Variants in ZNF518A observed in about 807,000 individuals in gnomAD.
ZNF518A encodes zinc finger protein 518A.
Under a neutral mutation model 102.7 loss-of-function variants are expected in ZNF518A, and 47 were observed. The ratio of observed to expected loss-of-function variants is 0.46; its 90% CI spans 0.36 to 0.58. ZNF518A has a LOEUF of 0.58. ZNF518A is among the 20% of genes least tolerant of loss of function. The probability of loss-of-function intolerance (pLI) is 0.00; values close to 1 mark genes in which losing one functional copy is unlikely to be tolerated. For synonymous variants in ZNF518A, 652 were observed against 594.6 expected, an observed-to-expected ratio of 1.10 and a Z score of -1.40; for missense variants, 1,793 against 1,699.8, an observed-to-expected ratio of 1.05 and a Z score of -0.96.
chr10:96,142,621 A>G (rs1222627221), intron 3 of ZNF518A, among the ~76,000 whole-genome samples: 1 of 152,094 alleles, frequency 6.6e-6, no homozygotes. Context: ...AATATAGTTA[A>G]GTAGCAGATA....
intron 3 of ZNF518A, among the ~76,000 whole-genome samples, chr10:96,147,123 A>T (rs1395047829): frequency 3.9e-5 from 6 of 152,210 alleles, no homozygotes; most frequent in Non-Finnish European, 7.4e-5. Flanking sequence ...CTCACCATGC[A>T]GTTGATCTGG....
In ZNF518A at chr10:96,156,064, A is replaced by G; in HGVS notation, c.-127+17A>G. ...TACTTCTTGGTAAGCTGTTCTTAAAATACTTAAAAAGTCTTTTGTATATTT... is the reference window on the plus strand; with the variant it reads ...TACTTCTTGGTAAGCTGTTCTTAAAGTACTTAAAAAGTCTTTTGTATATTT... On this transcript the variant is annotated intron_variant, in intron 5 of 5. Coordinates refer to ENST00000316045, the MANE Select transcript of ZNF518A (RefSeq NM_001330736.2). 1 of 217,088 alleles carries G rather than the reference A, an allele frequency of 4.6e-6. No individual in the cohort carries two copies. Among genetic ancestry groups the G allele is most frequent in the Non-Finnish European group, 8.9e-6 (1 of 111,740 alleles). The allele number at this position is 217,088 out of a possible 1,614,324, so 13.4% of individuals were successfully genotyped here.
At chr10:96,179,753 A>ATTCTTCTTC (rs58052521) in intron 1 of ZNF518A, among the ~76,000 whole-genome samples, 1,544 of 150,382 alleles carry the variant, frequency 0.01, 16 homozygotes, top group South Asian at 0.04. Flanking sequence ...ATCTTTTACA[A>ATTCTTCTTC]TTCTTCTTCT....
chr10:96,166,636 C>T (rs111817602), downstream of ZNF518A, among the ~76,000 whole-genome samples: 1 of 152,080 alleles, frequency 6.6e-6, no homozygotes, highest in Non-Finnish European at 1.5e-5. Flanking sequence ...GGCATGGCAG[C>T]GTGCACCTGT....
chr10:96,201,183 A>G (rs1184822562), intron 1 of ZNF518A: 3 of 854,118 alleles, frequency 3.5e-6, no homozygotes, highest in African/African-American at 1.7e-5. Context: ...CCTTAAGGCA[A>G]TGGTTCCAAA....
chr10:96,140,818 A>G (rs1422979118), intron 3 of ZNF518A, among the ~76,000 whole-genome samples: 5 of 151,986 alleles, frequency 3.3e-5, no homozygotes, highest in South Asian at 2.1e-4. Context: ...GTGCATACCT[A>G]TAGTCCCAGC....
intron 3 of ZNF518A, among the ~76,000 whole-genome samples, chr10:96,147,635 T>TGG (rs2082234411): frequency 6.6e-6 from 1 of 152,242 alleles, no homozygotes; most frequent in Non-Finnish European, 1.5e-5. Flanking sequence ...TTCGAAGGTA[T>TGG]TGCCCCTTTG....
intron 1 of ZNF518A, among the ~76,000 whole-genome samples, chr10:96,198,484 A>C (rs1187306664): frequency 6.6e-6 from 1 of 152,210 alleles, no homozygotes; most frequent in Non-Finnish European, 1.5e-5. Context: ...AAATGATTAG[A>C]CTTTAAAAAC....
intron 1 of ZNF518A, among the ~76,000 whole-genome samples, chr10:96,193,893 C>T (rs916180698): frequency 2.0e-5 from 3 of 152,168 alleles, no homozygotes; most frequent in Non-Finnish European, 2.9e-5. Flanking sequence ...CTTTAATTTT[C>T]CATTCAGATG....
At chr10:96,145,692 G>T (rs781961877) in intron 3 of ZNF518A, among the ~76,000 whole-genome samples, 1 of 152,282 alleles carries the variant, frequency 6.6e-6, no homozygotes, top group South Asian at 2.1e-4. Context: ...TTCACCTTTA[G>T]TGTCAACATT....
At chr10:96,204,694 G>T, downstream of ZNF518A, 1 of 1,369,686 alleles carries the variant, frequency 7.3e-7, no homozygotes. Flanking sequence ...CATCAGCTGA[G>T]AAGAACCAAA....
At chr10:96,166,666 C>G (rs1336711161), downstream of ZNF518A, among the ~76,000 whole-genome samples, 1 of 152,272 alleles carries the variant, frequency 6.6e-6, no homozygotes, top group Admixed American at 6.5e-5. Flanking sequence ...ACTCGAGAGT[C>G]TGAGGCAAGA....
intron 3 of ZNF518A, among the ~76,000 whole-genome samples, chr10:96,148,236 T>A (rs587605795): frequency 6.6e-6 from 1 of 152,270 alleles, no homozygotes; most frequent in South Asian, 2.1e-4. Context: ...GGTTGGGAGT[T>A]CGATAACCAG....
At chr10:96,140,020 G>A (rs1455519552) in intron 3 of ZNF518A, among the ~76,000 whole-genome samples, 1 of 151,990 alleles carries the variant, frequency 6.6e-6, no homozygotes, top group Non-Finnish European at 1.5e-5. Context: ...CACCATATCT[G>A]GCTAATTTTG....
intron 1 of ZNF518A, among the ~76,000 whole-genome samples, chr10:96,188,871 C>T (rs1176469327): frequency 6.6e-6 from 1 of 152,178 alleles, no homozygotes; most frequent in Non-Finnish European, 1.5e-5. Flanking sequence ...AGTCCAAAAT[C>T]AAGGTGCCAC....
rs117805333 is a variant in ZNF518A, at chr10:96,162,654, G to A, written c.*1880G>A. 0.012 allele frequency: 2,026 copies of A among 166,076 alleles called. 69 individuals carry two copies. The highest frequency in any genetic ancestry group is 0.07 in the Admixed American group (1,067 of 15,288). The allele number at this position is 166,076 out of a possible 1,614,324, so 10.3% of individuals were successfully genotyped here. A position where few individuals can be genotyped will look rare whatever the true frequency, so the allele number is the denominator to read the frequency against. Reference sequence around the variant, plus strand: ...GAAATATACAGTATATATTAATAATGTACATGGTGTTTAAAGAATGGTAAG... The same window carrying A: ...GAAATATACAGTATATATTAATAATATACATGGTGTTTAAAGAATGGTAAG... On this transcript the variant is annotated 3_prime_UTR_variant, in exon 6 of 6. Coordinates refer to ENST00000316045, the MANE Select transcript of ZNF518A (RefSeq NM_001330736.2).
chr10:96,138,173 C>T (rs985708918), intron 3 of ZNF518A, among the ~76,000 whole-genome samples: 2 of 152,126 alleles, frequency 1.3e-5, no homozygotes, highest in East Asian at 3.9e-4. Context: ...TACTCTTAAT[C>T]CCTCCTGAAT....
chr10:96,188,835 A>G (rs1298004848), intron 1 of ZNF518A, among the ~76,000 whole-genome samples: 1 of 152,178 alleles, frequency 6.6e-6, no homozygotes, highest in East Asian at 1.9e-4. Flanking sequence ...CCAGAAATTT[A>G]TTGTCTTCAA....
intron 1 of ZNF518A, among the ~76,000 whole-genome samples, chr10:96,198,509 G>A (rs1240608668): frequency 2.0e-5 from 3 of 152,160 alleles, no homozygotes; most frequent in Non-Finnish European, 4.4e-5. Context: ...AGTCTGCAGA[G>A]CCACCAGACT....
Sources: gnomAD v4.1 joint callset for allele counts (sites outside exome capture counted in the v4.1 genomes callset) on GRCh38, gnomAD v4.1.1 for gene constraint, MANE v1.5 for transcripts, NCBI Gene and HGNC (gene_info 2026-07-23, HGNC 2026-07-21) for gene names.